PGBD5: variants seen among roughly 807,000 people sequenced by gnomAD.
The protein encoded by PGBD5 is piggyBac transposable element-derived protein 5.
In PGBD5, 14 loss-of-function variants were observed where a neutral mutation model predicts 47.9. The observed-to-expected ratio is 0.29, with a 90% confidence interval of 0.19 to 0.46. The LOEUF (loss-of-function observed/expected upper bound fraction) is 0.46. PGBD5 is among the 20% of genes least tolerant of loss of function. PGBD5 has a pLI of 1.00. For missense variants in PGBD5, 635 were observed against 716.0 expected, an observed-to-expected ratio of 0.89 and a Z score of 1.29; for synonymous variants, 316 against 306.3, an observed-to-expected ratio of 1.03 and a Z score of -0.33.
At position 230,410,746 on chromosome 1, in the gene PGBD5, T is replaced by C. The variant is rs533410157; in HGVS notation, c.331+14852A>G. On this transcript the variant is annotated intron_variant, in intron 1 of 6. Transcript: ENST00000391860. ...GTATTTTACAAATAAAAAGGAACTT[T>C]GCACTAATCTTAAGCAATTAGAAAA... Among the ~76,000 whole-genome samples, 14 of 152,244 alleles carry C rather than the reference T, an allele frequency of 9.2e-5. No individual in the cohort carries two copies. In the South Asian group the frequency reaches 2.9e-3, roughly 32 times the overall value.
chr1:230,353,472 G>A (rs1451215087), intron 2 of PGBD5, among the ~76,000 whole-genome samples: 1 of 152,118 alleles, frequency 6.6e-6, no homozygotes, highest in African/African-American at 2.4e-5. Context: ...TACATTCTGG[G>A]AATCCTCTGA....
chr1:230,339,999 C>CA (rs1276000402), intron 3 of PGBD5, among the ~76,000 whole-genome samples: 1 of 152,204 alleles, frequency 6.6e-6, no homozygotes, highest in Admixed American at 6.5e-5. Flanking sequence ...GTTCTCACCA[C>CA]AAAAAATGAT....
Position 230,402,672 on chromosome 1 carries a change from T to C in PGBD5, c.331+22926A>G, listed in dbSNP as rs149613322. ...GCTGCCCAGGTTGGTCTCAAACTCCTTGGCTTGCCCTCGCTATGTTGCCCA... is the reference window on the plus strand; with the variant it reads ...GCTGCCCAGGTTGGTCTCAAACTCCCTGGCTTGCCCTCGCTATGTTGCCCA... On this transcript the variant is annotated intron_variant, in intron 1 of 6. Coordinates refer to ENST00000391860, the MANE Select transcript of PGBD5 (RefSeq NM_001258311.2). Among the ~76,000 whole-genome samples, 5 of 152,294 alleles carry C rather than the reference T, an allele frequency of 3.3e-5. No individual in the cohort carries two copies. The East Asian group carries it at 9.7e-4, about 29-fold the overall frequency.
chr1:230,423,089 A>C (rs1657695092), intron 1 of PGBD5, among the ~76,000 whole-genome samples: 2 of 152,114 alleles, frequency 1.3e-5, no homozygotes, highest in Admixed American at 1.3e-4. Context: ...AGTTACATAC[A>C]CACATTTACA....
chr1:230,362,114 C>T (rs1039062645), intron 1 of PGBD5, among the ~76,000 whole-genome samples: 4 of 152,326 alleles, frequency 2.6e-5, no homozygotes, highest in East Asian at 1.9e-4. Context: ...CCCAAGGGCG[C>T]GGGAAGCCAG....
chr1:230,403,447 T>C (rs1657192795), intron 1 of PGBD5, among the ~76,000 whole-genome samples: 1 of 152,164 alleles, frequency 6.6e-6, no homozygotes, highest in African/African-American at 2.4e-5. Flanking sequence ...GTGCACTCAG[T>C]GTAGTTCCCA....
intron 1 of PGBD5, among the ~76,000 whole-genome samples, chr1:230,385,700 G>C (rs1656621597): frequency 6.6e-6 from 1 of 152,156 alleles, no homozygotes; most frequent in Admixed American, 6.5e-5. Context: ...GATAAAATGA[G>C]GGAGAGTGTG....
chr1:230,346,555 G>A lies in PGBD5; in HGVS notation c.894+4403C>T, dbSNP rs147474547. 4.4e-3 allele frequency among the ~76,000 whole-genome samples: 667 copies of A among 152,224 alleles called. 4 individuals are homozygous for A. Among genetic ancestry groups the A allele is most frequent in the South Asian group, 0.019 (91 of 4,812 alleles). On this transcript the variant is annotated intron_variant, in intron 3 of 6. Coordinates refer to ENST00000391860, the MANE Select transcript of PGBD5 (RefSeq NM_001258311.2). ...CTATACCCAGCATTCTGCACCTAAGGAGCAAGCATATCGCAAGATTTCCTG... is the reference window on the plus strand; with the variant it reads ...CTATACCCAGCATTCTGCACCTAAGAAGCAAGCATATCGCAAGATTTCCTG...
chr1:230,353,834 G>A (rs540764926), intron 2 of PGBD5, among the ~76,000 whole-genome samples: 4 of 152,346 alleles, frequency 2.6e-5, no homozygotes, highest in Non-Finnish European at 4.4e-5. Flanking sequence ...TCACAGAGCC[G>A]GAAAGCTGCG....
In PGBD5 at chr1:230,345,716, T is replaced by C. The variant is rs1489751971; in HGVS notation, c.894+5242A>G. ...GCAATGCTGGGTGGTGGCAGTGAGC[T>C]GCAGCTCCCAGTCAGCCAGGCGATC... On this transcript the variant is annotated intron_variant, in intron 3 of 6. Transcript: ENST00000391860. Among the ~76,000 whole-genome samples the C allele has an allele frequency of 2.0e-5, 3 of 152,222 alleles. No homozygotes were observed. In the East Asian group the frequency reaches 5.8e-4, roughly 29 times the overall value.
At chr1:230,334,224 G>T (rs1369608609) in intron 4 of PGBD5, among the ~76,000 whole-genome samples, 1 of 152,232 alleles carries the variant, frequency 6.6e-6, no homozygotes, top group Non-Finnish European at 1.5e-5. Context: ...CTGAAAAGAG[G>T]AGGGAGCTGC....
At chr1:230,397,087 G>A (rs34700798) in intron 1 of PGBD5, among the ~76,000 whole-genome samples, 11,135 of 152,176 alleles carry the variant, frequency 0.073, 505 homozygotes, top group African/African-American at 0.12. Context: ...TCTGTGACCC[G>A]ATTCCAAGAG....
intron 1 of PGBD5, among the ~76,000 whole-genome samples, chr1:230,375,652 CTTTTTTTTT>C (rs199545872): frequency 1.9e-5 from 2 of 105,660 alleles, no homozygotes; most frequent in African/African-American, 4.5e-5. Context: ...TCCTATTTGA[CTTTTTTTTT>C]TTTTTTTTTT....
At chr1:230,396,351 T>C (rs948795067) in intron 1 of PGBD5, among the ~76,000 whole-genome samples, 2 of 134,670 alleles carry the variant, frequency 1.5e-5, no homozygotes, top group African/African-American at 5.6e-5. Context: ...TATTCTTAAG[T>C]TACTCTCTTC....
chr1:230,351,187 C>T, intron 2 of PGBD5, 95 bp from the exon 3 acceptor site: 2 of 1,377,908 alleles, frequency 1.5e-6, no homozygotes, highest in South Asian at 1.5e-5. Flanking sequence ...TGCATTTGAG[C>T]AGCTCTGTGA....
rs1291529348 is a variant in PGBD5 at position 230,316,873 on chromosome 1, C to T, written c.*6552G>A. ...GATAGCTGGGAACACCGTCCCTGCT[C>T]ATGTTTGGGGCGTGCTCCCCAGATA... On this transcript the variant is annotated 3_prime_UTR_variant, in exon 7 of 7. Transcript: ENST00000391860. 6.6e-6 allele frequency: 1 copy of T among 152,400 alleles called. No individual in the cohort carries two copies. Among genetic ancestry groups the T allele is most frequent in the East Asian group, 1.9e-4 (1 of 5,182 alleles). 9.4% of individuals were successfully genotyped at this position (152,400 alleles called of 1,614,324 possible). A position where few individuals can be genotyped will look rare whatever the true frequency, so the allele number is the denominator to read the frequency against.
chr1:230,390,632 G>A (rs375851031), intron 1 of PGBD5, among the ~76,000 whole-genome samples: 1 of 152,182 alleles, frequency 6.6e-6, no homozygotes, highest in African/African-American at 2.4e-5. Flanking sequence ...CCACTCCAGG[G>A]AGCCTGGGTT....
At position 230,350,951 on chromosome 1, in the gene PGBD5, G is replaced by T; in HGVS notation, c.894+7C>A. 1 of 1,613,696 alleles carries T rather than the reference G, an allele frequency of 6.2e-7. No homozygotes were observed. ...CCGACCCTCCCCGGGCTCAGCCCAG[G>T]GCTCACCTGGATGATGAAGCCAGTG... On this transcript the variant is annotated splice_region_variant and intron_variant, in intron 3 of 6. Coordinates refer to ENST00000391860, the MANE Select transcript of PGBD5 (RefSeq NM_001258311.2).
rs572123251 is a variant in PGBD5, at chr1:230,320,656, T to C, written c.*2769A>G. On this transcript the variant is annotated 3_prime_UTR_variant, in exon 7 of 7. Coordinates refer to ENST00000391860, the MANE Select transcript of PGBD5 (RefSeq NM_001258311.2). ...GATGCTCTTTCCTCATCCCCAGGGA[T>C]GGCCAGCTACTCCAAAGCCAATCAA... is the stretch of plus-strand genomic sequence containing the variant. 2.0e-5 allele frequency: 3 copies of C among 152,324 alleles called. No individual in the cohort carries two copies. The South Asian group carries it at 6.2e-4, about 32-fold the overall frequency. The allele number at this position is 152,324 out of a possible 1,614,324, so 9.4% of individuals were successfully genotyped here.
Sources: allele counts gnomAD v4.1 joint callset (sites outside exome capture counted in the v4.1 genomes callset), GRCh38; gene constraint gnomAD v4.1.1; transcripts MANE v1.5; gene names NCBI Gene and HGNC (gene_info 2026-07-23, HGNC 2026-07-21).